PROSER2: variants seen among roughly 807,000 people sequenced by gnomAD.
The protein encoded by PROSER2 is proline and serine-rich protein 2.
In PROSER2, 18 loss-of-function variants were observed where a neutral mutation model predicts 14.6. The observed-to-expected ratio is 1.23, with a 90% CI of 0.85 to 1.83. PROSER2 has a LOEUF of 1.83. Among genes scored for constraint, PROSER2 ranks in the 40% most tolerant of loss-of-function variants. The pLI, the probability that PROSER2 is intolerant of heterozygous loss-of-function variation, is 0.00. For missense variants in PROSER2, 823 were observed against 629.8 expected (o/e 1.31, Z -3.28); for synonymous variants, 367 against 286.4 (o/e 1.28, Z -2.84).
chr10:11,852,597 G>T (rs563356387), intron 2 of PROSER2, among the ~76,000 whole-genome samples: 4 of 151,520 alleles, frequency 2.6e-5, no homozygotes, highest in African/African-American at 7.3e-5. Context: ...TTGGCTCACT[G>T]CAACCTCCGC....
intron 1 of PROSER2, among the ~76,000 whole-genome samples, chr10:11,827,879 T>C (rs926674547): frequency 6.6e-6 from 1 of 152,094 alleles, no homozygotes; most frequent in Admixed American, 6.6e-5. Context: ...GGCCTCGCTG[T>C]GTTGCACAGA....
At position 11,852,222 on chromosome 10, in the gene PROSER2, GAC is replaced by G. The variant is rs60485847; in HGVS notation, c.138+9_138+10del. 217,100 of 1,596,702 alleles carry G rather than the reference GAC, an allele frequency of 0.14. 16,128 individuals carry two copies. The highest frequency in any genetic ancestry group is 0.15 in the Non-Finnish European group (176,806 of 1,169,436). ...CTCCAGAAGCTTCACTTTGGTGAGT[GAC>G]AGTTTTTCTTTCATGCTTTCCTGTG... On this transcript the variant is annotated splice_region_variant and intron_variant, in intron 2 of 3. Transcript: ENST00000277570.
chr10:11,829,382 T>C (rs909343126), intron 1 of PROSER2, among the ~76,000 whole-genome samples: 1 of 151,026 alleles, frequency 6.6e-6, no homozygotes, highest in Admixed American at 6.6e-5. Flanking sequence ...CCCAGGAGTT[T>C]GAGACCAGTC....
rs941807821 is a variant in PROSER2, at chr10:11,823,679, C to T, written c.-82+209C>T. Among the ~76,000 whole-genome samples, 1 of 151,814 alleles carries T rather than the reference C, an allele frequency of 6.6e-6. No homozygotes were observed. The highest frequency in any genetic ancestry group is 2.4e-5 in the African/African-American group (1 of 41,340). On this transcript the variant is annotated intron_variant, in intron 1 of 3. Transcript: ENST00000277570. This position sits in a 1 kb window ranked among gnomAD's most constrained non-coding sequence, Gnocchi z 6.2. ...CGGTGCCCGACCCCCGACCCCGGGGCGTCGCTGCCTCCTCGGGGACCTCGG... is the reference window on the plus strand; with the variant it reads ...CGGTGCCCGACCCCCGACCCCGGGGTGTCGCTGCCTCCTCGGGGACCTCGG...
In PROSER2 at chr10:11,871,777, CAG is replaced by C. The variant is rs1192172566; in HGVS notation, c.*1374_*1375del. 7 of 152,146 alleles carry C rather than the reference CAG, an allele frequency of 4.6e-5. No individual in the cohort carries two copies. Among genetic ancestry groups the C allele is most frequent in the East Asian group, 1.9e-4 (1 of 5,204 alleles). 9.4% of individuals were successfully genotyped at this position (152,146 alleles called of 1,614,324 possible). ...TTTTATGTCTCCGCCAGCGCCGTAA[CAG>C]AGCCTGTTTCTTTCCCGTTGAGTAT... On this transcript the variant is annotated 3_prime_UTR_variant, in exon 4 of 4. Coordinates refer to ENST00000277570, the MANE Select transcript of PROSER2 (RefSeq NM_153256.4).
intron 2 of PROSER2, chr10:11,857,340 C>A (rs1357196267): frequency 1.3e-5 from 2 of 152,182 alleles, no homozygotes; most frequent in African/African-American, 4.8e-5. Context: ...GTTTTATAAT[C>A]AAAACTGTAC....
At chr10:11,857,333 T>G (rs145711914) in intron 2 of PROSER2, 1 of 152,328 alleles carries the variant, frequency 6.6e-6, no homozygotes, top group East Asian at 1.9e-4. Flanking sequence ...TTCTTTGGTT[T>G]TATAATCAAA....
intron 2 of PROSER2, among the ~76,000 whole-genome samples, chr10:11,860,699 C>G (rs4747948): frequency 0.99 from 150,853 of 152,332 alleles, 74,704 homozygotes; most frequent in East Asian, 1. Context: ...GACCGTGAGC[C>G]GAGGAACTCT....
At chr10:11,843,462 C>T (rs1400704024) in intron 1 of PROSER2, among the ~76,000 whole-genome samples, 18 of 150,962 alleles carry the variant, frequency 1.2e-4, no homozygotes, top group Admixed American at 1.2e-3. Flanking sequence ...CCAAGGCGGG[C>T]AGATCATGAG....
chr10:11,845,349 T>C (rs139347122), intron 1 of PROSER2, among the ~76,000 whole-genome samples: 1 of 152,246 alleles, frequency 6.6e-6, no homozygotes, highest in African/African-American at 2.4e-5. Flanking sequence ...GCTTTCAAGA[T>C]TTGTAGCTGC....
intron 1 of PROSER2, among the ~76,000 whole-genome samples, chr10:11,826,879 C>CT (rs780415085): frequency 0.096 from 10,086 of 105,142 alleles, 669 homozygotes; most frequent in Non-Finnish European, 0.12. Context: ...TGCACCCGGC[C>CT]TTTTTTTTTT....
chr10:11,843,750 G>A (rs1375844139), intron 1 of PROSER2, among the ~76,000 whole-genome samples: 1 of 151,848 alleles, frequency 6.6e-6, no homozygotes, highest in Non-Finnish European at 1.5e-5. Flanking sequence ...TACTTGGGAG[G>A]CCGAGGCAGG....
intron 1 of PROSER2, among the ~76,000 whole-genome samples, chr10:11,843,528 A>G (rs1303725518): frequency 6.6e-6 from 1 of 151,964 alleles, no homozygotes; most frequent in Admixed American, 6.5e-5. Flanking sequence ...CCTACTAAAG[A>G]TACAAAAATT....
intron 1 of PROSER2, among the ~76,000 whole-genome samples, chr10:11,825,647 C>T (rs1833600902): frequency 6.6e-6 from 1 of 152,128 alleles, no homozygotes; most frequent in Non-Finnish European, 1.5e-5. Flanking sequence ...TGCCCTTGTC[C>T]CCTTTCTAGA....
chr10:11,855,916 G>C lies in PROSER2; in HGVS notation c.138+3701G>C, dbSNP rs369984166. Among the ~76,000 whole-genome samples the C allele has an allele frequency of 1.3e-5, 2 of 152,220 alleles. 1 individual carries two copies. Among genetic ancestry groups the C allele is most frequent in the East Asian group, 3.8e-4 (2 of 5,204 alleles). On this transcript the variant is annotated intron_variant, in intron 2 of 3. Transcript: ENST00000277570. ...TGAACATGAAGTTTTTATTTCTCAA[G>C]AGGCTAGTTGTGTGTGTGCATTTTT...
In PROSER2 at chr10:11,865,314, G is replaced by T. The variant is rs762016274; in HGVS notation, c.139-1217G>T. On this transcript the variant is annotated intron_variant, in intron 2 of 3. Coordinates refer to ENST00000277570, the MANE Select transcript of PROSER2 (RefSeq NM_153256.4). The surrounding 1 kb of genome is among the most constrained non-coding windows in gnomAD (Gnocchi z 4.2). ...TTATTTCTAAGTCTTCTTTTGTCCT[G>T]TAAAGAAAAAAAATCATGCTGTTTA... Among the ~76,000 whole-genome samples, 10 of 151,184 alleles carry T rather than the reference G, an allele frequency of 6.6e-5. No individual in the cohort carries two copies. The highest frequency in any genetic ancestry group is 1.5e-4 in the Non-Finnish European group (10 of 67,852).
At position 11,871,387 on chromosome 10, in the gene PROSER2, C is replaced by CAGTT. The variant is rs147141311; in HGVS notation, c.*983_*986dup. On this transcript the variant is annotated 3_prime_UTR_variant, in exon 4 of 4. Coordinates refer to ENST00000277570, the MANE Select transcript of PROSER2 (RefSeq NM_153256.4). ...CCTCAACAAAATGTTCCTCTGTTCC[C>CAGTT]AGTTAAAGTAATATTCCCTGCTTCC... 5.9e-5 allele frequency: 9 copies of CAGTT among 152,294 alleles called. No homozygotes were observed. Among genetic ancestry groups the CAGTT allele is most frequent in the African/African-American group, 2.2e-4 (9 of 41,552 alleles). The allele number at this position is 152,294 out of a possible 1,614,324, so 9.4% of individuals were successfully genotyped here.
Position 11,852,135 on chromosome 10 carries a change from A to G in PROSER2, c.58A>G (p.Ser20Gly). 6.2e-7 allele frequency: 1 copy of G among 1,613,690 alleles called. No homozygotes were observed. Among genetic ancestry groups the G allele is most frequent in the Non-Finnish European group, 8.5e-7 (1 of 1,179,862 alleles). ...TGACATGAACTCAGACACGTCCCCC[A>G]GCTGCAGGCTCCGAGCCTTCAGCAG... ...ASDMNSDTSP[S>G]CRLRAFSRGG... is the part of the protein sequence containing the mutation. The change falls in exon 2 of 4, where the codon AGC becomes GGC. Residue 20 changes from serine to glycine, a missense_variant. Transcript: ENST00000277570.
chr10:11,870,227 A>G lies in PROSER2; in HGVS notation c.1129A>G (p.Thr377Ala). 35 of 1,490,446 alleles carry G rather than the reference A, an allele frequency of 2.3e-5. No homozygotes were observed. Among genetic ancestry groups the G allele is most frequent in the Non-Finnish European group, 3.1e-5 (35 of 1,127,804 alleles). 92.3% of individuals were successfully genotyped at this position (1,490,446 alleles called of 1,614,324 possible). ...CCGCCCTGGCCCGGCCCTGCCCAGC[A>G]CGCGGGCCCGTCAGAGCTTCCCCGG... is the stretch of plus-strand genomic sequence containing the variant. ...CFRPGPALPSTRARQSFPGPR... is the reference protein window; with the variant it reads ...CFRPGPALPSARARQSFPGPR... Residue 377 changes from threonine to alanine, a missense_variant, in exon 4 of 4, where the codon ACG becomes GCG. Physicochemically the swap from Thr to Ala is moderately conservative, Grantham distance 58 (BLOSUM62 0). Transcript: ENST00000277570.
Sources: gnomAD v4.1 joint callset for allele counts (sites outside exome capture counted in the v4.1 genomes callset) on GRCh38, gnomAD v4.1.1 for gene constraint, Gnocchi (gnomAD v3.1) non-coding constraint, MANE v1.5 for transcripts, NCBI Gene and HGNC (gene_info 2026-07-23, HGNC 2026-07-21) for gene names.